SCARB1: variants seen among roughly 807,000 people sequenced by gnomAD.
SCARB1 encodes scavenger receptor class B member 1.
In SCARB1, 30 loss-of-function variants were observed where a neutral mutation model predicts 57.2. The ratio of observed to expected loss-of-function variants is 0.52; its 90% CI spans 0.39 to 0.71. The LOEUF (loss-of-function observed/expected upper bound fraction) is 0.71. Ranked by LOEUF, SCARB1 falls within the 30% of genes least tolerant of loss-of-function variation. The pLI is 0.00. For missense variants in SCARB1, 543 were observed against 671.2 expected (o/e 0.81, Z 2.11); for synonymous variants, 249 against 268.3 (o/e 0.93, Z 0.70).
chr12:124,787,110 T>C (rs1385030697), intron 10 of SCARB1, among the ~76,000 whole-genome samples: 1 of 152,236 alleles, frequency 6.6e-6, no homozygotes, highest in Non-Finnish European at 1.5e-5. Context: ...TTCCCCACTT[T>C]CAGGAGAAGA....
intron 8 of SCARB1, among the ~76,000 whole-genome samples, chr12:124,797,249 A>G (rs1051954865): frequency 1.3e-5 from 2 of 152,078 alleles, no homozygotes; most frequent in Non-Finnish European, 2.9e-5. Context: ...TCCCTTTGCT[A>G]ATTTTGCTTT....
chr12:124,783,803 AAAT>A (rs1949408024), intron 11 of SCARB1: 1 of 152,220 alleles, frequency 6.6e-6, no homozygotes, highest in Non-Finnish European at 1.5e-5. Context: ...AAAAAAATAA[AAAT>A]AAAAAAACAA....
intron 12 of SCARB1, among the ~76,000 whole-genome samples, chr12:124,780,841 C>T (rs1873311309): frequency 6.6e-6 from 1 of 152,168 alleles, no homozygotes; most frequent in South Asian, 2.1e-4. Context: ...CTGCTCTACA[C>T]TGACCAGGCC....
chr12:124,829,209 C>G (rs1951286854), intron 1 of SCARB1, among the ~76,000 whole-genome samples: 1 of 152,164 alleles, frequency 6.6e-6, no homozygotes. Flanking sequence ...ACCTAGCACC[C>G]TCCATCAGCA....
intron 1 of SCARB1, among the ~76,000 whole-genome samples, chr12:124,827,099 C>A (rs1409325386): frequency 6.6e-6 from 1 of 152,172 alleles, no homozygotes; most frequent in East Asian, 1.9e-4. Context: ...GGCCCCACAT[C>A]CAACTGTAGC....
chr12:124,851,673 T>A (rs1335182710), intron 1 of SCARB1, among the ~76,000 whole-genome samples: 2 of 148,996 alleles, frequency 1.3e-5, no homozygotes, highest in Non-Finnish European at 3.0e-5. Context: ...AGTGGCGCGA[T>A]CTCAGCTCAC....
intron 6 of SCARB1, among the ~76,000 whole-genome samples, chr12:124,808,878 A>AT (rs1566175899): frequency 6.6e-6 from 1 of 152,172 alleles, no homozygotes; most frequent in Non-Finnish European, 1.5e-5. Context: ...AAATGATCCC[A>AT]TTTTTGATAT....
chr12:124,828,617 A>T (rs891851024), intron 1 of SCARB1, among the ~76,000 whole-genome samples: 15 of 152,210 alleles, frequency 9.9e-5, no homozygotes, highest in Non-Finnish European at 2.2e-4. Context: ...GCAGACACTG[A>T]GGCTCCAAAG....
At chr12:124,780,770 T>C (rs963303524) in intron 12 of SCARB1, among the ~76,000 whole-genome samples, 1 of 152,216 alleles carries the variant, frequency 6.6e-6, no homozygotes, top group Non-Finnish European at 1.5e-5. Context: ...CCTGGTTATG[T>C]CCAGGGAGGT....
chr12:124,860,079 T>C (rs528579248), intron 1 of SCARB1, among the ~76,000 whole-genome samples: 2 of 151,792 alleles, frequency 1.3e-5, no homozygotes, highest in African/African-American at 2.4e-5. Context: ...GCGTCCCGAA[T>C]AGCTGGGATT....
At position 124,789,705 on chromosome 12, in the gene SCARB1, A is replaced by G. The variant is rs1333489486; in HGVS notation, c.1203-2248T>C. ...AAACAAATTTTAAAACCCTAAAAAAAGAAAAATTAATTTTTAAAAAGAGGG... is the reference window on the plus strand; with the variant it reads ...AAACAAATTTTAAAACCCTAAAAAAGGAAAAATTAATTTTTAAAAAGAGGG... On this transcript the variant is annotated intron_variant, in intron 9 of 12. Transcript: ENST00000261693. This position sits in a 1 kb window ranked among gnomAD's most constrained non-coding sequence, Gnocchi z 4.4. 2.0e-5 allele frequency among the ~76,000 whole-genome samples: 3 copies of G among 152,252 alleles called. No homozygotes were observed. Among genetic ancestry groups the G allele is most frequent in the African/African-American group, 7.2e-5 (3 of 41,470 alleles).
intron 1 of SCARB1, among the ~76,000 whole-genome samples, chr12:124,838,708 C>T (rs140617223): frequency 6.6e-6 from 1 of 151,924 alleles, no homozygotes; most frequent in African/African-American, 2.4e-5. Flanking sequence ...CCATTTCTCC[C>T]TTCAGGTTAA....
chr12:124,825,678 AAC>A (rs2135723129), intron 1 of SCARB1, among the ~76,000 whole-genome samples: 1 of 152,282 alleles, frequency 6.6e-6, no homozygotes, highest in African/African-American at 2.4e-5. Context: ...CTTGAAAAAC[AAC>A]AGAGAGCCCA....
chr12:124,791,265 C>A (rs957895548), intron 9 of SCARB1, among the ~76,000 whole-genome samples: 2 of 152,150 alleles, frequency 1.3e-5, no homozygotes, highest in African/African-American at 4.8e-5. Flanking sequence ...CGTAATAAAT[C>A]ATAGCCACGT....
intron 1 of SCARB1, among the ~76,000 whole-genome samples, chr12:124,832,372 T>G (rs961341325): frequency 6.6e-6 from 1 of 152,086 alleles, no homozygotes; most frequent in Non-Finnish European, 1.5e-5. Flanking sequence ...GTACAAAAAT[T>G]AGCCAGGTGT....
At chr12:124,836,859 A>G (rs904245865) in intron 1 of SCARB1, among the ~76,000 whole-genome samples, 5 of 152,232 alleles carry the variant, frequency 3.3e-5, no homozygotes, top group African/African-American at 1.2e-4. Flanking sequence ...ACTGATGAAG[A>G]AAGTGAAGTA....
chr12:124,787,573 C>T, intron 9 of SCARB1, 116 bp from the exon 10 acceptor site: 1 of 845,730 alleles, frequency 1.2e-6, no homozygotes, highest in South Asian at 1.5e-5. Flanking sequence ...ACACTAAACC[C>T]TCACCACCAA....
intron 1 of SCARB1, among the ~76,000 whole-genome samples, chr12:124,858,376 G>A (rs976758022): frequency 1.3e-5 from 2 of 152,048 alleles, no homozygotes; most frequent in African/African-American, 4.8e-5. Context: ...TCACAATCGC[G>A]GCCCTTAGTG....
chr12:124,845,537 CAAAAAA>C (rs34178546), intron 1 of SCARB1, among the ~76,000 whole-genome samples: 5 of 106,404 alleles, frequency 4.7e-5, no homozygotes, highest in African/African-American at 1.5e-4. Flanking sequence ...ATTAAAAATA[CAAAAAA>C]AAAAAAAAAA....
Sources: gnomAD v4.1 joint callset for allele counts (sites outside exome capture counted in the v4.1 genomes callset) on GRCh38, gnomAD v4.1.1 for gene constraint, Gnocchi (gnomAD v3.1) non-coding constraint, MANE v1.5 for transcripts, NCBI Gene and HGNC (gene_info 2026-07-23, HGNC 2026-07-21) for gene names.